SPINK1: variants seen among roughly 807,000 people sequenced by gnomAD.
The protein encoded by SPINK1 is serine peptidase inhibitor Kazal type 1.
Under a neutral mutation model 9.5 loss-of-function variants are expected in SPINK1, and 5 were observed. That is an observed-to-expected ratio of 0.52 (90% CI 0.27 to 1.10). SPINK1 has a LOEUF of 1.10. Among genes scored for constraint, SPINK1 ranks in the 50% least tolerant of loss-of-function variants. The pLI, the probability that SPINK1 is intolerant of heterozygous loss-of-function variation, is 0.11. For synonymous variants in SPINK1, 37 were observed against 32.3 expected, an observed-to-expected ratio of 1.14 and a Z score of -0.49; for missense variants, 88 against 92.7, an observed-to-expected ratio of 0.95 and a Z score of 0.21.
intron 3 of SPINK1, 102 bp from the exon 4 acceptor site, chr5:147,824,808 T>A: frequency 1.9e-6 from 2 of 1,028,344 alleles, no homozygotes; most frequent in Non-Finnish European, 3.0e-6. Flanking sequence ...CATTTAAAGT[T>A]GGAGAGGTTT....
At chr5:147,836,606 T>C (rs1305319161), upstream of SPINK1, among the ~76,000 whole-genome samples, 1 of 152,208 alleles carries the variant, frequency 6.6e-6, no homozygotes, top group African/African-American at 2.4e-5. Flanking sequence ...ATCCATGCCT[T>C]CTAAGCATTT....
intron 2 of SPINK1, 63 bp downstream of exon 2, chr5:147,829,536 T>C: frequency 6.6e-7 from 1 of 1,511,040 alleles, no homozygotes; most frequent in Non-Finnish European, 9.2e-7. Context: ...ACAGCAAGGC[T>C]GCATTTTTGT....
Position 147,828,017 on chromosome 5 carries a change from C to T in SPINK1, c.194+5G>A. 1 of 1,606,314 alleles carries T rather than the reference C, an allele frequency of 6.2e-7. No individual in the cohort carries two copies. Among genetic ancestry groups the T allele is most frequent in the Non-Finnish European group, 8.5e-7 (1 of 1,174,328 alleles). On this transcript the variant is annotated splice_donor_5th_base_variant and intron_variant, in intron 3 of 3. Transcript: ENST00000296695. ...AGTTTAAAAGAAACTCAAGTTTGTA[C>T]TCACCGATTTTCAAAACATAACACG... is the stretch of plus-strand genomic sequence containing the variant.
upstream of SPINK1, among the ~76,000 whole-genome samples, chr5:147,835,865 T>C (rs1167132922): frequency 6.6e-6 from 1 of 152,160 alleles, no homozygotes; most frequent in Admixed American, 6.5e-5. Context: ...TCTTCAACTT[T>C]TATTTTTCAT....
chr5:147,825,775 CACAATCATTA>C (rs1370153877), intron 3 of SPINK1, among the ~76,000 whole-genome samples: 1 of 152,128 alleles, frequency 6.6e-6, no homozygotes, highest in Non-Finnish European at 1.5e-5. Context: ...TTTCTTGTCC[CACAATCATTA>C]ACTGCTCATT....
chr5:147,836,235 G>A (rs1756592363), upstream of SPINK1, among the ~76,000 whole-genome samples: 1 of 151,676 alleles, frequency 6.6e-6, no homozygotes, highest in South Asian at 2.1e-4. Flanking sequence ...GGAAACTGAA[G>A]CACAGAGATT....
chr5:147,826,941 G>C (rs1223269031), intron 3 of SPINK1: 1 of 152,132 alleles, frequency 6.6e-6, no homozygotes, highest in African/African-American at 2.4e-5. Context: ...TTAATATCAA[G>C]TCAATCTCAG....
upstream of SPINK1, among the ~76,000 whole-genome samples, chr5:147,834,281 A>G (rs1756558281): frequency 6.6e-6 from 1 of 152,204 alleles, no homozygotes; most frequent in Non-Finnish European, 1.5e-5. Context: ...TCTGAAGACC[A>G]AGGTTTATGC....
upstream of SPINK1, among the ~76,000 whole-genome samples, chr5:147,833,161 T>C (rs146800781): frequency 6.6e-6 from 1 of 152,238 alleles, no homozygotes; most frequent in Non-Finnish European, 1.5e-5. Flanking sequence ...GAGAGAATAG[T>C]AAGCGCAAAG....
upstream of SPINK1, among the ~76,000 whole-genome samples, chr5:147,833,733 T>C (rs77135112): frequency 0.055 from 8,335 of 152,204 alleles, 396 homozygotes; most frequent in South Asian, 0.16. Flanking sequence ...CTGCTGCCCA[T>C]AGAAAGGCCC....
intron 1 of SPINK1, among the ~76,000 whole-genome samples, chr5:147,830,675 C>T (rs1580943230): frequency 2.6e-5 from 4 of 152,154 alleles, no homozygotes; most frequent in South Asian, 4.1e-4. Flanking sequence ...CTGACTGTTG[C>T]CATAAATATT....
In SPINK1 at chr5:147,824,701, C is replaced by A. The variant is rs35523678; in HGVS notation, c.200G>T (p.Arg67Leu). 6.2e-7 allele frequency: 1 copy of A among 1,613,852 alleles called. No homozygotes were observed. Residue 67 changes from arginine (R) to leucine (L), a missense_variant, in exon 4 of 4, where the codon CGC becomes CTC. Coordinates refer to ENST00000296695, the MANE Select transcript of SPINK1 (RefSeq NM_001379610.1). ...ECVLCFENRKRQTSILIQKSG... is the reference protein window; with the variant it reads ...ECVLCFENRKLQTSILIQKSG... ...TTTTTGAATGAGGATAGAAGTCTGG[C>A]GTTTCCTGCAGTAGAGATTAAAAAA...
intron 3 of SPINK1, among the ~76,000 whole-genome samples, chr5:147,825,997 G>T (rs897277380): frequency 1.3e-5 from 2 of 152,130 alleles, no homozygotes; most frequent in African/African-American, 4.8e-5. Flanking sequence ...CCACATTAAG[G>T]CTACTGTTTT....
At chr5:147,829,770 A>C in intron 1 of SPINK1, 140 bp from the exon 2 acceptor site, 1 of 828,174 alleles carries the variant, frequency 1.2e-6, no homozygotes, top group Non-Finnish European at 2.0e-6. Flanking sequence ...TGATTTCTCT[A>C]ATCTTCCAAA....
At chr5:147,838,182 A>G in the SPINK1 span, among the ~76,000 whole-genome samples, 1 of 152,210 alleles carries the variant, frequency 6.6e-6, no homozygotes, top group African/African-American at 2.4e-5. Context: ...TCATTAACTA[A>G]ATGTTCAAAC....
At chr5:147,837,712 TC>T in the SPINK1 span, among the ~76,000 whole-genome samples, 9 of 147,368 alleles carry the variant, frequency 6.1e-5, no homozygotes, top group Middle Eastern at 3.6e-3. Context: ...TTTCTTTCTT[TC>T]TTTTTTGGGA....
upstream of SPINK1, among the ~76,000 whole-genome samples, chr5:147,833,649 C>A (rs1228017970): frequency 6.6e-6 from 1 of 152,134 alleles, no homozygotes; most frequent in East Asian, 1.9e-4. Flanking sequence ...TAAGACAATG[C>A]CATCCTTTCC....
chr5:147,837,689 C>CTTTCTTTCTTTCTTTCTTTCTT, the SPINK1 span, among the ~76,000 whole-genome samples: 1 of 146,278 alleles, frequency 6.8e-6, no homozygotes, highest in Non-Finnish European at 1.5e-5. Flanking sequence ...TTCTTTCTTT[C>CTTTCTTTCTTTCTTTCTTTCTT]TTTCTTTCTT....
chr5:147,829,614 G>A lies in SPINK1; in HGVS notation c.72C>T (p.Asp24=), dbSNP rs1422602705. 9.3e-6 allele frequency: 15 copies of A among 1,612,466 alleles called. No individual in the cohort carries two copies. The highest frequency in any genetic ancestry group is 1.2e-5 in the Non-Finnish European group (14 of 1,178,992). Residue 24 remains aspartate (D), a synonymous_variant, in exon 2 of 4, where the codon GAC becomes GAT. Coordinates refer to ENST00000296695, the MANE Select transcript of SPINK1 (RefSeq NM_001379610.1). The part of the protein sequence containing the change: ...LLSLSGNTGA[D]SLGREAKCYN... Reference sequence around the variant, plus strand: ...ATCTCTTTACCTCTCTTCCCAGGGAGTCAGCTCCAGTGTTACCTAGAAATA... The same window carrying A: ...ATCTCTTTACCTCTCTTCCCAGGGAATCAGCTCCAGTGTTACCTAGAAATA...
Sources: allele counts gnomAD v4.1 joint callset (sites outside exome capture counted in the v4.1 genomes callset), GRCh38; gene constraint gnomAD v4.1.1; transcripts MANE v1.5; gene names NCBI Gene and HGNC (gene_info 2026-07-23, HGNC 2026-07-21).